Variants in CPEB1 observed in about 807,000 individuals in gnomAD.
CPEB1 encodes cytoplasmic polyadenylation element binding protein 1, also known as cytoplasmic polyadenylation element-binding protein 1.
CPEB1 carries 7 observed loss-of-function variants against 65.8 expected under a neutral mutation model. The ratio of observed to expected loss-of-function variants is 0.11; its 90% confidence interval spans 0.06 to 0.20. CPEB1 has a LOEUF of 0.20. CPEB1 is among the 10% of genes least tolerant of loss of function. The pLI, the probability that CPEB1 is intolerant of heterozygous loss-of-function variation, is 1.00. For missense variants in CPEB1, 551 were observed against 712.2 expected (o/e 0.77, Z 2.58); for synonymous variants, 262 against 260.0 (o/e 1.01, Z -0.08).
At chr15:82,587,857 T>C (rs184128930) in intron 3 of CPEB1, among the ~76,000 whole-genome samples, 27 of 152,306 alleles carry the variant, frequency 1.8e-4, no homozygotes, top group Non-Finnish European at 2.9e-4. Context: ...AGTACAAACA[T>C]TGAGAAGTAG....
At chr15:82,636,257 AG>A (rs2046651711) in intron 1 of CPEB1, among the ~76,000 whole-genome samples, 1 of 152,192 alleles carries the variant, frequency 6.6e-6, no homozygotes, top group Non-Finnish European at 1.5e-5. Context: ...ATGTCCTGCC[AG>A]CACTGATCTC....
At position 82,544,614 on chromosome 15, in the gene CPEB1, T is replaced by C; in HGVS notation, c.1745A>G (p.Gln582Arg). ...LRHHSPLMRNQKNRDSS is the reference protein window; with the variant it reads ...LRHHSPLMRNRKNRDSS ...CCTCTAGCTGGAATCTCGGTTCTTCTGGTTCCGCATCAGGGGGCTGTGGTG... is the reference window on the plus strand; with the variant it reads ...CCTCTAGCTGGAATCTCGGTTCTTCCGGTTCCGCATCAGGGGGCTGTGGTG... The change falls in exon 13 of 13, where the codon CAG becomes CGG. Residue 582 changes from glutamine (Q) to arginine (R), a missense_variant. By Grantham distance (43) the Gln-to-Arg change is conservative. Transcript: ENST00000684509. 6.2e-7 allele frequency: 1 copy of C among 1,613,070 alleles called. No individual in the cohort carries two copies. Among genetic ancestry groups the C allele is most frequent in the Non-Finnish European group, 8.5e-7 (1 of 1,179,822 alleles).
At position 82,552,641 on chromosome 15, in the gene CPEB1, G is replaced by A. The variant is rs557983984; in HGVS notation, c.1145-25C>T. 23 of 1,613,182 alleles carry A rather than the reference G, an allele frequency of 1.4e-5. No individual in the cohort carries two copies. The African/African-American group carries it at 1.9e-4, about 13-fold the overall frequency. On this transcript the variant is annotated intron_variant, in intron 8 of 12. Transcript: ENST00000684509. ...CCTATTCCCAATGAGAGGAAAAATCGCATTAATATCCCTTAGGTGGCCACT... is the reference window on the plus strand; with the variant it reads ...CCTATTCCCAATGAGAGGAAAAATCACATTAATATCCCTTAGGTGGCCACT...
chr15:82,635,409 G>T (rs1773457047), intron 1 of CPEB1, among the ~76,000 whole-genome samples: 1 of 152,090 alleles, frequency 6.6e-6, no homozygotes, highest in South Asian at 2.1e-4. Flanking sequence ...GCCAGATTTT[G>T]GCTCTACTTT....
Position 82,573,359 on chromosome 15 carries a change from G to A in CPEB1, c.272-1827C>T. On this transcript the variant is annotated intron_variant, in intron 3 of 12. Transcript: ENST00000684509. ...CCTTGTTCATCATGGCAAAGGCCTAGCAAAAATCACCCATACTGGTGCTGC... is the reference window on the plus strand; with the variant it reads ...CCTTGTTCATCATGGCAAAGGCCTAACAAAAATCACCCATACTGGTGCTGC... 3.5e-6 allele frequency: 2 copies of A among 563,600 alleles called. 1 individual carries two copies. The highest frequency in any genetic ancestry group is 5.4e-5 in the South Asian group (2 of 37,262). 34.9% of individuals were successfully genotyped at this position (563,600 alleles called of 1,614,324 possible). A position where few individuals can be genotyped will look rare whatever the true frequency, so the allele number is the denominator to read the frequency against.
chr15:82,568,392 G>A (rs529973596), intron 4 of CPEB1, among the ~76,000 whole-genome samples: 1 of 152,204 alleles, frequency 6.6e-6, no homozygotes, highest in African/African-American at 2.4e-5. Context: ...GGGTAGCACT[G>A]GGGTATGAGA....
intron 3 of CPEB1, among the ~76,000 whole-genome samples, chr15:82,584,903 C>CTTTATTTTTTTTTTTTTTT (rs1310673339): frequency 1.2e-5 from 1 of 81,742 alleles, no homozygotes; most frequent in Admixed American, 1.7e-4. Context: ...TCCTAATTTG[C>CTTTATTTTTTTTTTTTTTT]TTTTTTTTTT....
At chr15:82,627,675 T>C (rs1240837616) in intron 2 of CPEB1, among the ~76,000 whole-genome samples, 1 of 152,182 alleles carries the variant, frequency 6.6e-6, no homozygotes, top group African/African-American at 2.4e-5. Context: ...GTCAGGTTTA[T>C]GATTAGGATT....
At chr15:82,576,190 C>T (rs2040626701) in intron 3 of CPEB1, among the ~76,000 whole-genome samples, 1 of 152,032 alleles carries the variant, frequency 6.6e-6, no homozygotes, top group Non-Finnish European at 1.5e-5. Flanking sequence ...GTGGAAAAAG[C>T]CGTACATAAG....
At chr15:82,607,070 GAA>G (rs1188805194) in intron 3 of CPEB1, among the ~76,000 whole-genome samples, 1 of 152,022 alleles carries the variant, frequency 6.6e-6, no homozygotes, top group Non-Finnish European at 1.5e-5. Flanking sequence ...TTTTATACTA[GAA>G]AATATCTTAA....
At chr15:82,629,496 T>C (rs2046061267) in intron 1 of CPEB1, 1 of 985,214 alleles carries the variant, frequency 1.0e-6, no homozygotes, top group South Asian at 4.7e-5. Flanking sequence ...AAACTATTCT[T>C]TTGGTATTCC....
chr15:82,643,406 C>G (rs2047254795), intron 1 of CPEB1, among the ~76,000 whole-genome samples: 1 of 152,032 alleles, frequency 6.6e-6, no homozygotes, highest in Non-Finnish European at 1.5e-5. Flanking sequence ...CTGAGGCGGA[C>G]AGATCACGAG....
chr15:82,643,340 T>C (rs2047249203), intron 1 of CPEB1, among the ~76,000 whole-genome samples: 1 of 152,144 alleles, frequency 6.6e-6, no homozygotes, highest in East Asian at 1.9e-4. Flanking sequence ...CTTTAAATCC[T>C]TGGGAATGAG....
intron 1 of CPEB1, among the ~76,000 whole-genome samples, chr15:82,635,614 G>C (rs2046593054): frequency 6.6e-6 from 1 of 152,160 alleles, no homozygotes; most frequent in African/African-American, 2.4e-5. Context: ...TTTCGTAAAT[G>C]CTGACAACCC....
chr15:82,556,147 G>C, intron 5 of CPEB1, 25 bp from the exon 6 acceptor site: 1 of 1,567,112 alleles, frequency 6.4e-7, no homozygotes. Flanking sequence ...AGGAAGACAG[G>C]GTTTTAAAGG....
At chr15:82,628,684 C>T (rs1276593861) in intron 1 of CPEB1, 128 bp from the exon 2 acceptor site, 2 of 514,530 alleles carry the variant, frequency 3.9e-6, no homozygotes, top group Non-Finnish European at 6.9e-6. Flanking sequence ...TCCTTACATC[C>T]GCTCCACATC....
intron 3 of CPEB1, among the ~76,000 whole-genome samples, chr15:82,578,071 C>T (rs984537779): frequency 1.3e-5 from 2 of 152,008 alleles, no homozygotes; most frequent in Non-Finnish European, 2.9e-5. Flanking sequence ...ACCCAGGAGG[C>T]GGAGTTTGCA....
At chr15:82,592,052 C>A (rs148234074) in intron 3 of CPEB1, among the ~76,000 whole-genome samples, 342 of 151,756 alleles carry the variant, frequency 2.3e-3, no homozygotes, top group African/African-American at 7.9e-3. Context: ...CCATATTTCC[C>A]AGGCTGGTCT....
intron 3 of CPEB1, among the ~76,000 whole-genome samples, chr15:82,597,865 G>C (rs973995359): frequency 5.3e-5 from 8 of 152,342 alleles, no homozygotes; most frequent in African/African-American, 1.9e-4. Context: ...AGTGGAAGGA[G>C]GAGATGTTGA....
Sources: allele counts gnomAD v4.1 joint callset (sites outside exome capture counted in the v4.1 genomes callset), GRCh38; gene constraint gnomAD v4.1.1; transcripts MANE v1.5; gene names NCBI Gene and HGNC (gene_info 2026-07-23, HGNC 2026-07-21).